PRKAG2: variants seen among roughly 807,000 people sequenced by gnomAD.
The protein encoded by PRKAG2 is 5'-AMP-activated protein kinase subunit gamma-2.
PRKAG2 carries 26 observed loss-of-function variants against 69.6 expected under a neutral mutation model. The observed-to-expected ratio is 0.37, with a 90% CI of 0.27 to 0.52. The LOEUF is 0.52. Among genes scored for constraint, PRKAG2 ranks in the 20% least tolerant of loss-of-function variants. The probability of loss-of-function intolerance (pLI) is 0.90; values close to 1 mark genes in which losing one functional copy is unlikely to be tolerated. For missense variants in PRKAG2, 557 were observed against 740.0 expected (o/e 0.75, Z 2.87); for synonymous variants, 293 against 285.0 (o/e 1.03, Z -0.28).
chr7:151,673,322 C>T (rs1404940575), intron 4 of PRKAG2, among the ~76,000 whole-genome samples: 1 of 152,134 alleles, frequency 6.6e-6, no homozygotes, highest in Non-Finnish European at 1.5e-5. Flanking sequence ...AAGGTTCTCC[C>T]TTCCCTCTCC....
At chr7:151,608,028 G>C (rs1817914498) in intron 5 of PRKAG2, among the ~76,000 whole-genome samples, 1 of 152,216 alleles carries the variant, frequency 6.6e-6, no homozygotes, top group Non-Finnish European at 1.5e-5. Flanking sequence ...TTATAAGAGA[G>C]AGAGAGAAGA....
intron 3 of PRKAG2, among the ~76,000 whole-genome samples, chr7:151,678,542 G>C (rs898722552): frequency 4.6e-5 from 7 of 152,322 alleles, no homozygotes; most frequent in South Asian, 2.1e-4. Context: ...AGCAGTGTGA[G>C]TGGAAAGCCC....
intron 6 of PRKAG2, among the ~76,000 whole-genome samples, chr7:151,582,987 C>T (rs905907072): frequency 1.6e-4 from 24 of 152,230 alleles, no homozygotes; most frequent in Non-Finnish European, 2.5e-4. Flanking sequence ...AATTTCCAGT[C>T]TATACTGACC....
intron 1 of PRKAG2, among the ~76,000 whole-genome samples, chr7:151,797,227 A>ACC (rs55815832): frequency 7.5e-6 from 1 of 132,854 alleles, no homozygotes; most frequent in Admixed American, 7.6e-5. Flanking sequence ...GCTTCTTGCC[A>ACC]CCCCCCCCAC....
chr7:151,619,468 C>T (rs1179391884), intron 5 of PRKAG2, among the ~76,000 whole-genome samples: 2 of 152,206 alleles, frequency 1.3e-5, no homozygotes, highest in South Asian at 2.1e-4. Flanking sequence ...TTATCAGTAG[C>T]ATAGAAATAC....
At chr7:151,779,923 GA>G (rs2076584300) in intron 3 of PRKAG2, among the ~76,000 whole-genome samples, 1 of 152,162 alleles carries the variant, frequency 6.6e-6, no homozygotes, top group South Asian at 2.1e-4. Flanking sequence ...GATGGGGAAA[GA>G]AAGGGGCACC....
intron 5 of PRKAG2, among the ~76,000 whole-genome samples, chr7:151,599,175 A>G (rs1044153998): frequency 1.3e-5 from 2 of 152,166 alleles, no homozygotes; most frequent in African/African-American, 4.8e-5. Context: ...TTAAACAAAA[A>G]TAATGACAAT....
chr7:151,756,597 CA>C lies in PRKAG2; in HGVS notation c.466+24554del, dbSNP rs1303733737. Among the ~76,000 whole-genome samples the C allele has an allele frequency of 6.6e-6, 1 of 152,252 alleles. No homozygotes were observed. The highest frequency in any genetic ancestry group is 1.5e-5 in the Non-Finnish European group (1 of 68,040). On this transcript the variant is annotated intron_variant, in intron 3 of 15. Transcript: ENST00000287878. The surrounding 1 kb of genome is among the most constrained non-coding windows in gnomAD (Gnocchi z 4.9). ...GCAGGAGACAGGGAGACACCTTGGG[CA>C]ACATCTGACCATAGCTACAGCCCCT...
At chr7:151,818,374 T>C (rs2078694294) in intron 1 of PRKAG2, among the ~76,000 whole-genome samples, 1 of 151,750 alleles carries the variant, frequency 6.6e-6, no homozygotes, top group Non-Finnish European at 1.5e-5. Flanking sequence ...CACAAATCTT[T>C]GCCAAATCCC....
Position 151,675,632 on chromosome 7 carries a change from C to T in PRKAG2, c.472G>A (p.Gly158Ser), listed in dbSNP as rs727504512. 216 of 1,613,006 alleles carry T rather than the reference C, an allele frequency of 1.3e-4. 2 individuals carry two copies. In the Admixed American group the frequency reaches 2.6e-3, roughly 20 times the overall value. ...RFFSRSRKTS[G>S]LSSSPSTPTQ... ...GGTGTTGACGGAGAGGAGGAGAGGC[C>T]GGAGGCTGCAGAAGAAACACCAAGG... The change falls in exon 4 of 16, where the codon GGC (glycine) becomes AGC (serine). Residue 158 changes from glycine to serine, a missense_variant. By Grantham distance (56) the Gly-to-Ser change is moderately conservative. Coordinates refer to ENST00000287878, the MANE Select transcript of PRKAG2 (RefSeq NM_016203.4).
chr7:151,629,196 A>T (rs1823773397), intron 5 of PRKAG2, among the ~76,000 whole-genome samples: 1 of 152,134 alleles, frequency 6.6e-6, no homozygotes, highest in Non-Finnish European at 1.5e-5. Flanking sequence ...AGACCATAAC[A>T]CCCGCAAAGG....
intron 4 of PRKAG2, among the ~76,000 whole-genome samples, chr7:151,656,582 G>T (rs1239805054): frequency 2.6e-5 from 4 of 152,056 alleles, no homozygotes; most frequent in Admixed American, 2.6e-4. Context: ...CAAACCCCAG[G>T]ATTTATTCCA....
chr7:151,702,909 G>A (rs985051736), intron 3 of PRKAG2, among the ~76,000 whole-genome samples: 11 of 152,112 alleles, frequency 7.2e-5, no homozygotes, highest in Non-Finnish European at 1.5e-4. Flanking sequence ...GATACCTCTC[G>A]CCTTCCAGTT....
chr7:151,705,751 T>TC (rs1216417356), intron 3 of PRKAG2, among the ~76,000 whole-genome samples: 2 of 152,068 alleles, frequency 1.3e-5, no homozygotes, highest in African/African-American at 4.8e-5. Context: ...GGCTCTGGGG[T>TC]CCCCTCCTAG....
At chr7:151,874,354 GATGTAT>G (rs1370180574) in intron 1 of PRKAG2, among the ~76,000 whole-genome samples, 5 of 99,052 alleles carry the variant, frequency 5.0e-5, no homozygotes, top group Admixed American at 2.2e-4. Flanking sequence ...ATATGTATAT[GATGTAT>G]ATGTATATGT....
intron 1 of PRKAG2, among the ~76,000 whole-genome samples, chr7:151,811,221 C>T (rs759623659): frequency 1.3e-5 from 2 of 152,210 alleles, no homozygotes; most frequent in African/African-American, 2.4e-5. Context: ...GGACAGGCCA[C>T]GGCTGACGGC....
intron 3 of PRKAG2, among the ~76,000 whole-genome samples, chr7:151,687,356 TCTG>T (rs1834890295): frequency 6.6e-6 from 1 of 152,220 alleles, no homozygotes; most frequent in African/African-American, 2.4e-5. Flanking sequence ...GGGAGGCCCC[TCTG>T]CTGCTTTGTG....
In PRKAG2 at chr7:151,821,507, AGGCCCC is replaced by A. The variant is rs1353012741; in HGVS notation, c.115-34972_115-34967del. The stretch of plus-strand genomic sequence containing the variant: ...AGCCTCAATGGCACTGCTGAGCAGA[AGGCCCC>A]GGGCTGCCCAGGTGGTAGAAGGCCA... On this transcript the variant is annotated intron_variant, in intron 1 of 15. Transcript: ENST00000287878. Among the ~76,000 whole-genome samples, 4 of 152,316 alleles carry A rather than the reference AGGCCCC, an allele frequency of 2.6e-5. No homozygotes were observed. In the East Asian group the frequency reaches 7.7e-4, roughly 29 times the overall value.
intron 1 of PRKAG2, among the ~76,000 whole-genome samples, chr7:151,870,005 T>A (rs1447154095): frequency 6.6e-6 from 1 of 152,212 alleles, no homozygotes; most frequent in African/African-American, 2.4e-5. Flanking sequence ...GGCTACAGGC[T>A]GGTTTGGGCA....
Sources: allele counts gnomAD v4.1 joint callset (sites outside exome capture counted in the v4.1 genomes callset), GRCh38; gene constraint gnomAD v4.1.1; non-coding constraint Gnocchi (gnomAD v3.1); transcripts MANE v1.5; gene names NCBI Gene and HGNC (gene_info 2026-07-23, HGNC 2026-07-21).